CHERP: variants seen among roughly 807,000 people sequenced by gnomAD.
The protein encoded by CHERP is ERPROT 213-21.
CHERP carries 8 observed loss-of-function variants against 113.8 expected under a neutral mutation model. That is an observed-to-expected ratio of 0.07 (90% CI 0.04 to 0.13). CHERP has a LOEUF of 0.13. CHERP is among the 10% of genes least tolerant of loss of function. The pLI is 1.00. For synonymous variants in CHERP, 559 were observed against 524.5 expected (o/e 1.07, Z -0.90); for missense variants, 884 against 1,298.2 (o/e 0.68, Z 4.90).
In CHERP at chr19:16,535,325, C is replaced by A; in HGVS notation, c.384+127G>T. 26 of 992,992 alleles carry A rather than the reference C, an allele frequency of 2.6e-5. No individual in the cohort carries two copies. In the South Asian group the frequency reaches 3.9e-4, roughly 15 times the overall value. The allele number at this position is 992,992 out of a possible 1,614,324, so 61.5% of individuals were successfully genotyped here. ...TGGGGGTGACAGTGGCTGACATGCA[C>A]CGAGCCCTGGGTGGCAGGGGGGGCC... On this transcript the variant is annotated intron_variant, in intron 3 of 16. Transcript: ENST00000546361. This position sits in a 1 kb window ranked among gnomAD's most constrained non-coding sequence, Gnocchi z 4.3.
Position 16,523,069 on chromosome 19 carries a change from T to A in CHERP, c.1963A>T (p.Met655Leu). The change falls in exon 11 of 17, where the codon ATG becomes TTG. Residue 655 changes from methionine (M) to leucine (L), a missense_variant. Coordinates refer to ENST00000546361, the MANE Select transcript of CHERP (RefSeq NM_006387.6). This position sits in a 1 kb window ranked among gnomAD's most constrained non-coding sequence, Gnocchi z 4.0. Reference protein sequence around the residue: ...VPYFDLPAGLMAPLVKLEDHE... With the variant: ...VPYFDLPAGLLAPLVKLEDHE... Reference sequence around the variant, plus strand: ...GGCATTACCTTCACGAGGGGGGCCATCAGCCCAGCAGGGAGATCGAAGTAG... The same window carrying A: ...GGCATTACCTTCACGAGGGGGGCCAACAGCCCAGCAGGGAGATCGAAGTAG... 1 of 1,514,608 alleles carries A rather than the reference T, an allele frequency of 6.6e-7. No homozygotes were observed. Among genetic ancestry groups the A allele is most frequent in the Non-Finnish European group, 8.8e-7 (1 of 1,134,934 alleles). The allele number at this position is 1,514,608 out of a possible 1,614,324, so 93.8% of individuals were successfully genotyped here. A position where few individuals can be genotyped will look rare whatever the true frequency, so the allele number is the denominator to read the frequency against.
Position 16,532,738 on chromosome 19 carries a change from G to A in CHERP, c.534C>T (p.Asn178=), listed in dbSNP as rs774876716. 1.2e-6 allele frequency: 2 copies of A among 1,608,510 alleles called. No individual in the cohort carries two copies. The highest frequency in any genetic ancestry group is 2.2e-5 in the East Asian group (1 of 44,724). The change falls in exon 5 of 17, where the codon AAC becomes AAT. Residue 178 remains asparagine, a synonymous_variant. Transcript: ENST00000546361. The surrounding 1 kb of genome is among the most constrained non-coding windows in gnomAD (Gnocchi z 4.4). ...GGGACTTGGCATTGCTGAACATCCA[G>A]TTCTTCCCGGCCTGCAACAACCGAG... ...CTKDAISAGK[N]WMFSNAKSPP...
chr19:16,520,166 G>A lies in CHERP; in HGVS notation c.2445C>T (p.Ser815=), dbSNP rs1298984701. The A allele has an allele frequency of 6.2e-7, 1 of 1,612,538 alleles. No individual in the cohort carries two copies. Among genetic ancestry groups the A allele is most frequent in the East Asian group, 2.2e-5 (1 of 44,878 alleles). ...GATCTTACGGCGGGGTGGGGCTCCT[G>A]GACCGTGACCGGCGTCTTCTTCCTG... ...YSPGRRRRSR[S]RSPTPPSSAG... The change falls in exon 15 of 17, where the codon TCC becomes TCT. Residue 815 remains serine, a synonymous_variant. Coordinates refer to ENST00000546361, the MANE Select transcript of CHERP (RefSeq NM_006387.6). The surrounding 1 kb of genome is among the most constrained non-coding windows in gnomAD (Gnocchi z 4.0).
Position 16,532,761 on chromosome 19 carries a change from G to A in CHERP, c.523-12C>T, listed in dbSNP as rs759245431. The stretch of plus-strand genomic sequence containing the variant: ...CAGTTCTTCCCGGCCTGCAACAACC[G>A]AGCCAATGACGAGTGAGCAGGGCCG... On this transcript the variant is annotated splice_polypyrimidine_tract_variant and intron_variant, in intron 4 of 16. Transcript: ENST00000546361. The surrounding 1 kb of genome is among the most constrained non-coding windows in gnomAD (Gnocchi z 4.4). 3.7e-6 allele frequency: 6 copies of A among 1,602,004 alleles called. No homozygotes were observed. The African/African-American group carries it at 4.0e-5, about 11-fold the overall frequency.
Position 16,533,064 on chromosome 19 carries a change from A to T in CHERP, c.469T>A (p.Phe157Ile), listed in dbSNP as rs1264781624. The T allele has an allele frequency of 6.3e-7, 1 of 1,575,268 alleles. No homozygotes were observed. The highest frequency in any genetic ancestry group is 1.3e-5 in the African/African-American group (1 of 74,180). Residue 157 changes from phenylalanine to isoleucine, a missense_variant, in exon 4 of 17, where the codon TTT becomes ATT. Physicochemically the swap from Phe to Ile is conservative, Grantham distance 21. Coordinates refer to ENST00000546361, the MANE Select transcript of CHERP (RefSeq NM_006387.6). ...ATGATGGGCTGCAGGAGGTTGTCAA[A>T]CTCGTTCATGTCTAGCTGGGTCTCC... ...LEETQLDMNE[F>I]DNLLQPIIDT...
In CHERP at chr19:16,532,894, C is replaced by T; in HGVS notation, c.522+117G>A. On this transcript the variant is annotated intron_variant, in intron 4 of 16. Transcript: ENST00000546361. This position sits in a 1 kb window ranked among gnomAD's most constrained non-coding sequence, Gnocchi z 4.4. ...CAGGGTCCCACAGCCTCAGGAGCTCCAGGCGGGAGGGAAGGGCACCCATTG... is the reference window on the plus strand; with the variant it reads ...CAGGGTCCCACAGCCTCAGGAGCTCTAGGCGGGAGGGAAGGGCACCCATTG... 1 of 1,513,694 alleles carries T rather than the reference C, an allele frequency of 6.6e-7. No individual in the cohort carries two copies. Among genetic ancestry groups the T allele is most frequent in the Non-Finnish European group, 8.9e-7 (1 of 1,123,834 alleles). 93.8% of individuals were successfully genotyped at this position (1,513,694 alleles called of 1,614,324 possible).
chr19:16,527,420 A>T (rs535290379), intron 9 of CHERP, among the ~76,000 whole-genome samples: 16 of 152,178 alleles, frequency 1.1e-4, no homozygotes, highest in Non-Finnish European at 8.8e-5. Context: ...TCTCCTTGCC[A>T]TCCTTACACC....
Position 16,528,126 on chromosome 19 carries a change from G to C in CHERP, c.1259C>G (p.Pro420Arg). 1 of 1,613,804 alleles carries C rather than the reference G, an allele frequency of 6.2e-7. No homozygotes were observed. Among genetic ancestry groups the C allele is most frequent in the African/African-American group, 1.3e-5 (1 of 75,044 alleles). ...CACGGGGTGAGGCTGGTCAAACCAA[G>C]GGGGCTTGTTTGGTGGGATCTGGTC... ...PHDQIPPNKP[P>R]WFDQPHPVAP... The change falls in exon 9 of 17, where the codon CCT becomes CGT. Residue 420 changes from proline to arginine, a missense_variant. Transcript: ENST00000546361.
Position 16,532,859 on chromosome 19 carries a change from G to T in CHERP, c.523-110C>A. 1.3e-6 allele frequency: 2 copies of T among 1,535,842 alleles called. No homozygotes were observed. The highest frequency in any genetic ancestry group is 1.8e-6 in the Non-Finnish European group (2 of 1,135,920). On this transcript the variant is annotated intron_variant, in intron 4 of 16. Coordinates refer to ENST00000546361, the MANE Select transcript of CHERP (RefSeq NM_006387.6). This position sits in a 1 kb window ranked among gnomAD's most constrained non-coding sequence, Gnocchi z 4.4. ...GCTCAGGGAAGGACACACCATGAGCGTGGGGGGCACAGGGTCCCACAGCCT... is the reference window on the plus strand; with the variant it reads ...GCTCAGGGAAGGACACACCATGAGCTTGGGGGGCACAGGGTCCCACAGCCT...
At position 16,528,226 on chromosome 19, in the gene CHERP, C is replaced by T; in HGVS notation, c.1159G>A (p.Gly387Ser). 1 of 1,596,362 alleles carries T rather than the reference C, an allele frequency of 6.3e-7. No homozygotes were observed. Among genetic ancestry groups the T allele is most frequent in the South Asian group, 1.1e-5 (1 of 88,950 alleles). ...DDSKPPIQMPGSSEYEAPGGV... is the reference protein window; with the variant it reads ...DDSKPPIQMPSSSEYEAPGGV... ...CCTGGAGCTTCGTACTCTGAAGAGC[C>T]AGGCATCTGGATGGGAGGCTTGCTG... is the stretch of plus-strand genomic sequence containing the variant. The change falls in exon 9 of 17, where the codon GGC becomes AGC. Residue 387 changes from glycine (G) to serine (S), a missense_variant. Around this residue, in one of 8 missense-constraint regions of CHERP, gnomAD observed 464 missense variants for 590.1 expected, o/e 0.79. Coordinates refer to ENST00000546361, the MANE Select transcript of CHERP (RefSeq NM_006387.6).
Position 16,523,426 on chromosome 19 carries a change from G to T in CHERP, c.1742-136C>A. On this transcript the variant is annotated intron_variant, in intron 10 of 16. Coordinates refer to ENST00000546361, the MANE Select transcript of CHERP (RefSeq NM_006387.6). This position sits in a 1 kb window ranked among gnomAD's most constrained non-coding sequence, Gnocchi z 4.0. Reference sequence around the variant, plus strand: ...AGCCTGTCCAGCATCTTCTCTCACTGCTTAAGACCAGGCAGCAAGGCACCG... The same window carrying T: ...AGCCTGTCCAGCATCTTCTCTCACTTCTTAAGACCAGGCAGCAAGGCACCG... 1.0e-6 allele frequency: 1 copy of T among 1,002,542 alleles called. No homozygotes were observed. The highest frequency in any genetic ancestry group is 1.5e-6 in the Non-Finnish European group (1 of 681,362). 62.1% of individuals were successfully genotyped at this position (1,002,542 alleles called of 1,614,324 possible). A position where few individuals can be genotyped will look rare whatever the true frequency, so the allele number is the denominator to read the frequency against.
In CHERP at chr19:16,525,733, A is replaced by G; in HGVS notation, c.1306-56T>C. The G allele has an allele frequency of 1.4e-6, 2 of 1,392,330 alleles. No homozygotes were observed. Among genetic ancestry groups the G allele is most frequent in the East Asian group, 5.3e-5 (2 of 38,066 alleles). 86.2% of individuals were successfully genotyped at this position (1,392,330 alleles called of 1,614,324 possible). A position where few individuals can be genotyped will look rare whatever the true frequency, so the allele number is the denominator to read the frequency against. ...CGTGGTCTAGGCCCTAGTGCTCGGC[A>G]GCATCACAGCGCTCGGCAGCATCAC... is the stretch of plus-strand genomic sequence containing the variant. On this transcript the variant is annotated intron_variant, in intron 9 of 16. Coordinates refer to ENST00000546361, the MANE Select transcript of CHERP (RefSeq NM_006387.6). The surrounding 1 kb of genome is among the most constrained non-coding windows in gnomAD (Gnocchi z 6.5).
intron 3 of CHERP, 129 bp from the exon 4 acceptor site, chr19:16,533,277 A>G (rs2085719559): frequency 2.4e-6 from 2 of 837,006 alleles, no homozygotes; most frequent in South Asian, 3.5e-5. Flanking sequence ...TGCTCTGGCC[A>G]TCAGCTCCCT....
At position 16,525,011 on chromosome 19, in the gene CHERP, C is replaced by T. The variant is rs2085647359; in HGVS notation, c.1741+231G>A. On this transcript the variant is annotated intron_variant, in intron 10 of 16. Coordinates refer to ENST00000546361, the MANE Select transcript of CHERP (RefSeq NM_006387.6). The surrounding 1 kb of genome is among the most constrained non-coding windows in gnomAD (Gnocchi z 6.5). The stretch of plus-strand genomic sequence containing the variant: ...GCCCACCCACGGCAGGAACCTTTTC[C>T]TACTGGCTCTGCCTCATCTGCAGCC... Among the ~76,000 whole-genome samples, 3 of 152,212 alleles carry T rather than the reference C, an allele frequency of 2.0e-5. No individual in the cohort carries two copies. In the South Asian group the frequency reaches 6.2e-4, roughly 32 times the overall value.
rs914173356 is a variant in CHERP at position 16,525,841 on chromosome 19, C to T, written c.1306-164G>A. ...TGACGCCTGCGAGGATGCTGGGCAC[C>T]TGCTCTCAGCCCGCACCACATGCTG... is the stretch of plus-strand genomic sequence containing the variant. On this transcript the variant is annotated intron_variant, in intron 9 of 16. Coordinates refer to ENST00000546361, the MANE Select transcript of CHERP (RefSeq NM_006387.6). The surrounding 1 kb of genome is among the most constrained non-coding windows in gnomAD (Gnocchi z 6.5). Among the ~76,000 whole-genome samples the T allele has an allele frequency of 6.6e-6, 1 of 152,136 alleles. No individual in the cohort carries two copies. Among genetic ancestry groups the T allele is most frequent in the Non-Finnish European group, 1.5e-5 (1 of 67,980 alleles).
intron 5 of CHERP, among the ~76,000 whole-genome samples, chr19:16,531,567 G>T (rs1352035075): frequency 1.3e-5 from 2 of 152,216 alleles, no homozygotes; most frequent in Non-Finnish European, 2.9e-5. Context: ...TGCCGCAGGG[G>T]GCTCAGGGGA....
At position 16,525,113 on chromosome 19, in the gene CHERP, TCCCATGA is replaced by T; in HGVS notation, c.1741+122_1741+128del. ...GAACCCAGGCCGGGCTCCTCGGACGTCCCATGACCCTGTGTCTGTCACTGTGCACTCA... is the reference window on the plus strand; with the variant it reads ...GAACCCAGGCCGGGCTCCTCGGACGTCCCTGTGTCTGTCACTGTGCACTCA... On this transcript the variant is annotated intron_variant, in intron 10 of 16. Coordinates refer to ENST00000546361, the MANE Select transcript of CHERP (RefSeq NM_006387.6). The surrounding 1 kb of genome is among the most constrained non-coding windows in gnomAD (Gnocchi z 6.5). 1.1e-6 allele frequency: 1 copy of T among 928,526 alleles called. No individual in the cohort carries two copies. Among genetic ancestry groups the T allele is most frequent in the Non-Finnish European group, 1.5e-6 (1 of 686,572 alleles). The allele number at this position is 928,526 out of a possible 1,614,324, so 57.5% of individuals were successfully genotyped here. A position where few individuals can be genotyped will look rare whatever the true frequency, so the allele number is the denominator to read the frequency against.
At chr19:16,533,533 G>A (rs576253411) in intron 3 of CHERP, among the ~76,000 whole-genome samples, 168 of 152,346 alleles carry the variant, frequency 1.1e-3, no homozygotes, top group African/African-American at 3.8e-3. Context: ...TGAGGCGGGA[G>A]GATCGCTTGA....
chr19:16,538,310 C>T (rs1001913048), intron 2 of CHERP, among the ~76,000 whole-genome samples: 7 of 152,318 alleles, frequency 4.6e-5, no homozygotes, highest in South Asian at 4.1e-4. Flanking sequence ...TTCCTCTGCC[C>T]GGAACACTTT....
Sources: gnomAD v4.1 joint callset for allele counts (sites outside exome capture counted in the v4.1 genomes callset) on GRCh38, gnomAD v4.1.1 for gene constraint, gnomAD v4.1.1 regional missense constraint, Gnocchi (gnomAD v3.1) non-coding constraint, MANE v1.5 for transcripts, NCBI Gene and HGNC (gene_info 2026-07-23, HGNC 2026-07-21) for gene names.